Variants in FRMD6 observed in about 807,000 individuals in gnomAD.
FRMD6 encodes FERM domain containing 6.
In FRMD6, 37 loss-of-function variants were observed where a neutral mutation model predicts 73.2. The observed-to-expected ratio is 0.51, with a 90% confidence interval of 0.39 to 0.66. The LOEUF (loss-of-function observed/expected upper bound fraction) is 0.66, where lower values mean the gene tolerates loss of function less well. Among genes scored for constraint, FRMD6 ranks in the 30% least tolerant of loss-of-function variants. The pLI is 0.00. For synonymous variants in FRMD6, 273 were observed against 282.2 expected, an observed-to-expected ratio of 0.97 and a Z score of 0.33; for missense variants, 714 against 780.5, an observed-to-expected ratio of 0.91 and a Z score of 1.02.
rs1297297330 is a variant in FRMD6, at chr14:51,730,269, GTTCT to G, written c.*2245_*2248del. The G allele has an allele frequency of 2.0e-5, 3 of 152,192 alleles. No individual in the cohort carries two copies. Among genetic ancestry groups the G allele is most frequent in the Non-Finnish European group, 2.9e-5 (2 of 68,032 alleles). The allele number at this position is 152,192 out of a possible 1,614,324, so 9.4% of individuals were successfully genotyped here. On this transcript the variant is annotated 3_prime_UTR_variant, in exon 14 of 14. Transcript: ENST00000344768. ...TGACATTGTTGGTGGTTTTGCACAT[GTTCT>G]TTCTAATTGGATTTATGAATAGTTC...
chr14:51,409,618 A>G, the FRMD6 span, among the ~76,000 whole-genome samples: 2 of 151,866 alleles, frequency 1.3e-5, no homozygotes, highest in African/African-American at 4.8e-5. Context: ...TTATTTTTTG[A>G]CACAGCGTCT....
intron 1 of FRMD6, among the ~76,000 whole-genome samples, chr14:51,552,386 A>C (rs1440849504): frequency 6.6e-6 from 1 of 152,214 alleles, no homozygotes; most frequent in Non-Finnish European, 1.5e-5. Flanking sequence ...GTTTTTAGGG[A>C]TTGGACAAAC....
intron 1 of FRMD6, among the ~76,000 whole-genome samples, chr14:51,530,967 G>A (rs780147955): frequency 3.9e-5 from 6 of 152,200 alleles, no homozygotes; most frequent in African/African-American, 7.2e-5. Context: ...AAGCTGGTAA[G>A]TCCAATGCGC....
intron 2 of FRMD6, among the ~76,000 whole-genome samples, chr14:51,637,188 C>T (rs942712579): frequency 1.3e-5 from 2 of 152,104 alleles, no homozygotes; most frequent in African/African-American, 2.4e-5. Flanking sequence ...TGCCACTGCA[C>T]TCCAGCCTGG....
rs779119262 is a variant in FRMD6, at chr14:51,715,470, G to A, written c.995G>A (p.Arg332His). 21 of 1,610,962 alleles carry A rather than the reference G, an allele frequency of 1.3e-5. No individual in the cohort carries two copies. In the African/African-American group the frequency reaches 1.3e-4, roughly 10 times the overall value. ...TATATGAATCTGCAGCCTGTCCTGC[G>A]CCATATCCGGAAGCTGGAGGAAAAC... ...RLYMNLQPVL[R>H]HIRKLEENEE... The change falls in exon 10 of 14, where the codon CGC (arginine) becomes CAC (histidine). Residue 332 changes from arginine to histidine, a missense_variant. Transcript: ENST00000344768.
At chr14:51,614,317 T>C (rs1035937851) in intron 2 of FRMD6, among the ~76,000 whole-genome samples, 1 of 152,170 alleles carries the variant, frequency 6.6e-6, no homozygotes, top group African/African-American at 2.4e-5. Context: ...CAGGGTAACA[T>C]ACACCGTAGA....
the FRMD6 span, among the ~76,000 whole-genome samples, chr14:51,480,000 C>G: frequency 6.6e-6 from 1 of 152,280 alleles, no homozygotes; most frequent in East Asian, 1.9e-4. Context: ...ATACTATAAG[C>G]AATTAATTGT....
At chr14:51,469,883 T>C in the FRMD6 span, among the ~76,000 whole-genome samples, 1 of 152,138 alleles carries the variant, frequency 6.6e-6, no homozygotes, top group African/African-American at 2.4e-5. Flanking sequence ...TCTATGGAAA[T>C]CATTTGCACC....
chr14:51,591,289 A>C (rs1170710660), intron 2 of FRMD6, among the ~76,000 whole-genome samples: 1 of 150,518 alleles, frequency 6.6e-6, no homozygotes, highest in East Asian at 1.9e-4. Context: ...ACAAAACAAA[A>C]CAAACAAAAA....
At chr14:51,508,286 C>A (rs187057374) in intron 1 of FRMD6, among the ~76,000 whole-genome samples, 55 of 152,356 alleles carry the variant, frequency 3.6e-4, no homozygotes, top group African/African-American at 8.2e-4. Context: ...TCTAGAAGGC[C>A]CCAGAGGCCG....
intron 3 of FRMD6, among the ~76,000 whole-genome samples, chr14:51,698,800 G>T (rs918765221): frequency 6.6e-5 from 10 of 152,014 alleles, no homozygotes; most frequent in South Asian, 6.2e-4. Context: ...TTAAGTAAAG[G>T]ACTTCATATA....
At chr14:51,551,412 T>C (rs925064328) in intron 1 of FRMD6, among the ~76,000 whole-genome samples, 3 of 152,196 alleles carry the variant, frequency 2.0e-5, no homozygotes, top group Non-Finnish European at 4.4e-5. Context: ...AGAGAACAAT[T>C]ATTTGTCACC....
chr14:51,471,032 G>A, the FRMD6 span, among the ~76,000 whole-genome samples: 3 of 152,304 alleles, frequency 2.0e-5, no homozygotes, highest in Non-Finnish European at 4.4e-5. Context: ...CATACCTTCA[G>A]TATTTATGTA....
intron 2 of FRMD6, among the ~76,000 whole-genome samples, chr14:51,596,549 A>G (rs1343582950): frequency 6.6e-6 from 1 of 152,192 alleles, no homozygotes; most frequent in Non-Finnish European, 1.5e-5. Context: ...AAGTTTACCC[A>G]TGTGGCTGAG....
intron 2 of FRMD6, among the ~76,000 whole-genome samples, chr14:51,603,658 C>G (rs1890128882): frequency 6.6e-6 from 1 of 152,148 alleles, no homozygotes; most frequent in African/African-American, 2.4e-5. Flanking sequence ...GCCTTGGCAT[C>G]AAACTGCTCA....
intron 1 of FRMD6, among the ~76,000 whole-genome samples, chr14:51,671,634 T>A (rs537287000): frequency 6.6e-6 from 1 of 152,260 alleles, no homozygotes; most frequent in South Asian, 2.1e-4. Flanking sequence ...AGAGTAAACA[T>A]CAAATTTATG....
At chr14:51,476,358 C>T in the FRMD6 span, among the ~76,000 whole-genome samples, 2 of 152,180 alleles carry the variant, frequency 1.3e-5, no homozygotes, top group East Asian at 3.9e-4. Flanking sequence ...CTTTCTTTTA[C>T]CAGTCAGAAA....
the FRMD6 span, among the ~76,000 whole-genome samples, chr14:51,482,909 G>A: frequency 2.0e-5 from 3 of 151,920 alleles, no homozygotes; most frequent in South Asian, 4.2e-4. Context: ...TCACTATGTC[G>A]GCCAGACTGG....
the FRMD6 span, among the ~76,000 whole-genome samples, chr14:51,478,238 A>T: frequency 6.6e-6 from 1 of 152,234 alleles, no homozygotes; most frequent in Non-Finnish European, 1.5e-5. Flanking sequence ...TCAACTGGCA[A>T]TGAGGAAATC....
Sources: allele counts gnomAD v4.1 joint callset (sites outside exome capture counted in the v4.1 genomes callset), GRCh38; gene constraint gnomAD v4.1.1; transcripts MANE v1.5; gene names NCBI Gene and HGNC (gene_info 2026-07-23, HGNC 2026-07-21).